CSMD1: variants seen among roughly 807,000 people sequenced by gnomAD.
The protein encoded by CSMD1 is CUB and sushi domain-containing protein 1.
CSMD1 carries 213 observed loss-of-function variants against 417.5 expected under a neutral mutation model. The observed-to-expected ratio is 0.51, with a 90% CI of 0.46 to 0.57. CSMD1 has a LOEUF of 0.57. Ranked by LOEUF, CSMD1 falls within the 20% of genes least tolerant of loss-of-function variation. CSMD1 has a pLI of 0.00. For missense variants in CSMD1, 6,923 were observed against 4,529.7 expected (o/e 1.53, Z -15.17); for synonymous variants, 2,862 against 1,736.8 (o/e 1.65, Z -16.11).
At chr8:4,006,544 G>GAATA (rs1261443503) in intron 4 of CSMD1, among the ~76,000 whole-genome samples, 10 of 152,148 alleles carry the variant, frequency 6.6e-5, no homozygotes, top group Admixed American at 1.3e-4. Context: ...CCTTGCCTCA[G>GAATA]AATAAATAAA....
intron 3 of CSMD1, among the ~76,000 whole-genome samples, chr8:4,045,750 G>A (rs1200674873): frequency 6.6e-6 from 1 of 152,206 alleles, no homozygotes; most frequent in Non-Finnish European, 1.5e-5. Flanking sequence ...CCAGTGAACT[G>A]TGAAACACAA....
At chr8:4,401,973 A>G (rs969279864) in intron 3 of CSMD1, among the ~76,000 whole-genome samples, 2 of 151,918 alleles carry the variant, frequency 1.3e-5, no homozygotes, top group Admixed American at 1.3e-4. Context: ...GCTCCTTGAA[A>G]ATTTCAGCAC....
chr8:4,718,616 G>C (rs901347211), intron 1 of CSMD1, among the ~76,000 whole-genome samples: 2 of 151,952 alleles, frequency 1.3e-5, no homozygotes, highest in Non-Finnish European at 2.9e-5. Flanking sequence ...ATTGAATTTT[G>C]ATATTATTTT....
chr8:3,536,448 G>A (rs930258841), intron 10 of CSMD1, among the ~76,000 whole-genome samples: 21 of 152,194 alleles, frequency 1.4e-4, no homozygotes, highest in African/African-American at 5.1e-4. Flanking sequence ...TCACCAATGG[G>A]CTGAGTGAAG....
intron 6 of CSMD1, among the ~76,000 whole-genome samples, chr8:3,724,444 C>A (rs976734807): frequency 6.6e-6 from 1 of 152,086 alleles, no homozygotes; most frequent in African/African-American, 2.4e-5. Context: ...TTAAAATTTT[C>A]TCTCAATGTA....
At chr8:3,139,036 A>G (rs186905869) in intron 41 of CSMD1, among the ~76,000 whole-genome samples, 144 of 152,316 alleles carry the variant, frequency 9.5e-4, no homozygotes, top group African/African-American at 3.4e-3. Context: ...CGCAGATTCC[A>G]GGAACACTGC....
At chr8:4,298,988 C>A (rs1318524796) in intron 3 of CSMD1, among the ~76,000 whole-genome samples, 3 of 151,886 alleles carry the variant, frequency 2.0e-5, no homozygotes, top group Non-Finnish European at 1.5e-5. Flanking sequence ...TGTTGCTTTG[C>A]AGATCTACTG....
intron 50 of CSMD1, among the ~76,000 whole-genome samples, chr8:3,029,976 TATATA>T (rs1369090064): frequency 3.9e-5 from 6 of 152,178 alleles, no homozygotes; most frequent in Admixed American, 2.0e-4. Context: ...GAAACACACA[TATATA>T]ATATATCTAT....
chr8:4,981,772 C>T (rs117305150), intron 1 of CSMD1, among the ~76,000 whole-genome samples: 4,881 of 152,198 alleles, frequency 0.032, 98 homozygotes, highest in Middle Eastern at 0.13. Flanking sequence ...GGACCCGTGG[C>T]TTCCTTTCAA....
intron 23 of CSMD1, among the ~76,000 whole-genome samples, chr8:3,312,070 G>C (rs958525112): frequency 6.6e-6 from 1 of 152,054 alleles, no homozygotes; most frequent in South Asian, 2.1e-4. Context: ...TTAAAGCTTT[G>C]TTTTGTAATG....
At chr8:3,429,719 G>C (rs749321970) in intron 12 of CSMD1, among the ~76,000 whole-genome samples, 3 of 152,190 alleles carry the variant, frequency 2.0e-5, no homozygotes, top group Non-Finnish European at 4.4e-5. Context: ...TGGTTAAATT[G>C]TTAGGTTTTT....
chr8:3,600,232 C>A (rs998563565), intron 8 of CSMD1, among the ~76,000 whole-genome samples: 1 of 152,164 alleles, frequency 6.6e-6, no homozygotes, highest in African/African-American at 2.4e-5. Context: ...TTTTCTCCTT[C>A]TCCTCCCCAT....
At chr8:3,855,899 C>G (rs1804270993) in intron 5 of CSMD1, among the ~76,000 whole-genome samples, 1 of 152,148 alleles carries the variant, frequency 6.6e-6, no homozygotes, top group African/African-American at 2.4e-5. Context: ...TTGCTTTATA[C>G]TTGCATTGCC....
chr8:4,262,160 C>G (rs1803932234), intron 3 of CSMD1, among the ~76,000 whole-genome samples: 1 of 152,158 alleles, frequency 6.6e-6, no homozygotes, highest in African/African-American at 2.4e-5. Context: ...TGTAGATTCT[C>G]ATTCAGAGTC....
intron 1 of CSMD1, among the ~76,000 whole-genome samples, chr8:4,640,283 C>T (rs913384572): frequency 6.6e-6 from 1 of 152,168 alleles, no homozygotes; most frequent in Non-Finnish European, 1.5e-5. Context: ...TGAATATCAT[C>T]GTTGGCTGTC....
chr8:4,802,617 G>C (rs144694486), intron 1 of CSMD1, among the ~76,000 whole-genome samples: 269 of 152,148 alleles, frequency 1.8e-3, no homozygotes, highest in Non-Finnish European at 2.9e-3. Flanking sequence ...ATGACTCTAG[G>C]TATCCTGTCT....
intron 3 of CSMD1, among the ~76,000 whole-genome samples, chr8:4,164,454 G>C (rs538484970): frequency 1.3e-5 from 2 of 152,222 alleles, no homozygotes; most frequent in East Asian, 1.9e-4. Flanking sequence ...AGCCTGGCAT[G>C]CTTCCCAGAA....
At chr8:4,432,836 C>G (rs919152748) in intron 2 of CSMD1, among the ~76,000 whole-genome samples, 1 of 152,208 alleles carries the variant, frequency 6.6e-6, no homozygotes, top group Non-Finnish European at 1.5e-5. Context: ...TTCTTTAGCA[C>G]TCTGTTGTAT....
intron 12 of CSMD1, among the ~76,000 whole-genome samples, chr8:3,413,828 T>C (rs1003831581): frequency 2.6e-5 from 4 of 152,082 alleles, no homozygotes; most frequent in African/African-American, 9.7e-5. Flanking sequence ...GAGACGATTT[T>C]AACACATTTT....
Sources: gnomAD v4.1 joint callset for allele counts (sites outside exome capture counted in the v4.1 genomes callset) on GRCh38, gnomAD v4.1.1 for gene constraint, MANE v1.5 for transcripts, NCBI Gene and HGNC (gene_info 2026-07-23, HGNC 2026-07-21) for gene names.